The following C1orf185 variants were observed in gnomAD, a reference collection of about 807,000 sequenced individuals.
The protein encoded by C1orf185 is uncharacterized protein C1orf185.
A neutral mutation model predicts 16.1 loss-of-function variants in C1orf185; 13 were observed. The ratio of observed to expected loss-of-function variants is 0.81; its 90% CI spans 0.53 to 1.28. The LOEUF (loss-of-function observed/expected upper bound fraction) is 1.28, where lower values mean the gene tolerates loss of function less well. Among genes scored for constraint, C1orf185 ranks in the 50% most tolerant of loss-of-function variants. The probability of loss-of-function intolerance (pLI) is 0.00; values close to 1 mark genes in which losing one functional copy is unlikely to be tolerated. For synonymous variants in C1orf185, 80 were observed against 76.9 expected (o/e 1.04, Z -0.21); for missense variants, 220 against 225.2 (o/e 0.98, Z 0.15).
At chr1:51,117,076 G>A (rs976528589) in intron 2 of C1orf185, among the ~76,000 whole-genome samples, 10 of 152,104 alleles carry the variant, frequency 6.6e-5, no homozygotes, top group Non-Finnish European at 7.4e-5. Context: ...ATTTAAGCTC[G>A]ATGGAAGCAA....
At chr1:51,146,684 A>G (rs1214188042) in intron 4 of C1orf185, among the ~76,000 whole-genome samples, 1 of 152,164 alleles carries the variant, frequency 6.6e-6, no homozygotes, top group Non-Finnish European at 1.5e-5. Flanking sequence ...TCTATTTTGT[A>G]TCTGATCTGT....
At chr1:51,142,233 T>A (rs1011295855) in intron 3 of C1orf185, among the ~76,000 whole-genome samples, 5 of 152,228 alleles carry the variant, frequency 3.3e-5, no homozygotes, top group Non-Finnish European at 7.3e-5. Context: ...GGATCCAGCC[T>A]AGAATCACAT....
chr1:51,102,410 G>A (rs1447770863), intron 1 of C1orf185, 161 bp downstream of exon 1: 4 of 431,374 alleles, frequency 9.3e-6, no homozygotes, highest in East Asian at 6.8e-5. Flanking sequence ...TAAAGTTATT[G>A]GGGCTATTTT....
chr1:51,118,919 G>A (rs1570298884), intron 3 of C1orf185, 118 bp downstream of exon 3: 4 of 783,954 alleles, frequency 5.1e-6, no homozygotes, highest in East Asian at 6.5e-5. Flanking sequence ...TTAATTTGAG[G>A]GACAAACTAG....
intron 3 of C1orf185, among the ~76,000 whole-genome samples, chr1:51,132,743 G>A (rs563217491): frequency 1.3e-5 from 2 of 152,000 alleles, no homozygotes; most frequent in South Asian, 2.1e-4. Flanking sequence ...TATTATCCCC[G>A]AGACACACAT....
At chr1:51,102,413 G>A (rs1298894167) in intron 1 of C1orf185, 164 bp downstream of exon 1, 2 of 422,480 alleles carry the variant, frequency 4.7e-6, no homozygotes, top group Non-Finnish European at 8.5e-6. Flanking sequence ...AGTTATTGGG[G>A]CTATTTTCTT....
intron 3 of C1orf185, among the ~76,000 whole-genome samples, chr1:51,143,812 G>A (rs1268309194): frequency 2.0e-5 from 3 of 152,170 alleles, no homozygotes; most frequent in East Asian, 1.9e-4. Flanking sequence ...ACAGGCATGC[G>A]CCATCATGCC....
At chr1:51,112,695 T>C in intron 2 of C1orf185, 126 bp downstream of exon 2, 3 of 870,446 alleles carry the variant, frequency 3.4e-6, no homozygotes, top group South Asian at 2.4e-5. Flanking sequence ...GATTTGGTTA[T>C]AGACCCTTTG....
chr1:51,119,613 C>T (rs893870639), intron 3 of C1orf185, among the ~76,000 whole-genome samples: 7 of 152,164 alleles, frequency 4.6e-5, no homozygotes, highest in Admixed American at 1.3e-4. Flanking sequence ...GGCAACACAG[C>T]GAAACCCTAT....
At position 51,146,226 on chromosome 1, in the gene C1orf185, C is replaced by T. The variant is rs150693186; in HGVS notation, c.295+466C>T. Among the ~76,000 whole-genome samples, 124 of 151,782 alleles carry T rather than the reference C, an allele frequency of 8.2e-4. 2 individuals carry two copies. Among genetic ancestry groups the T allele is most frequent in the African/African-American group, 2.7e-3 (111 of 41,418 alleles). On this transcript the variant is annotated intron_variant, in intron 4 of 4. Coordinates refer to ENST00000371759, the MANE Select transcript of C1orf185 (RefSeq NM_001136508.2). ...ATAATCCCAGCACTTTGGGAGGTCG[C>T]GGTGGGCAGATCACTTGAGGCCAGG...
chr1:51,127,892 T>TG (rs199894817), intron 3 of C1orf185, among the ~76,000 whole-genome samples: 58 of 146,914 alleles, frequency 3.9e-4, no homozygotes, highest in African/African-American at 1.3e-3. Context: ...TTTGTTTTTT[T>TG]TTTTTTTTTT....
rs183777516 is a variant in C1orf185, at chr1:51,112,736, G to A, written c.122+167G>A. 2.0e-5 allele frequency among the ~76,000 whole-genome samples: 3 copies of A among 151,918 alleles called. No homozygotes were observed. In the East Asian group the frequency reaches 5.8e-4, roughly 29 times the overall value. ...GGACGGAAGGCTTTACATTTTTTAA[G>A]TAGCCTGAAAAAAGAAGTACTGGTG... On this transcript the variant is annotated intron_variant, in intron 2 of 4. Coordinates refer to ENST00000371759, the MANE Select transcript of C1orf185 (RefSeq NM_001136508.2).
chr1:51,121,947 C>T (rs1309268274), intron 3 of C1orf185, among the ~76,000 whole-genome samples: 4 of 152,116 alleles, frequency 2.6e-5, no homozygotes, highest in Admixed American at 2.6e-4. Flanking sequence ...GTAATTACAG[C>T]TAATCATTTC....
chr1:51,150,240 A>G (rs7532605), downstream of C1orf185, among the ~76,000 whole-genome samples: 20,800 of 150,198 alleles, frequency 0.14, 2,783 homozygotes, highest in African/African-American at 0.35. Flanking sequence ...CACCCGGGCT[A>G]GAGTGCAATG....
At chr1:51,148,811 C>G (rs1646416514), downstream of C1orf185, among the ~76,000 whole-genome samples, 1 of 152,126 alleles carries the variant, frequency 6.6e-6, no homozygotes, top group Non-Finnish European at 1.5e-5. Context: ...CCTGTAGTCC[C>G]AGCTACTTGG....
chr1:51,105,488 C>T lies in C1orf185; in HGVS notation c.16+3239C>T, dbSNP rs984655333. On this transcript the variant is annotated intron_variant, in intron 1 of 4. Transcript: ENST00000371759. Reference sequence around the variant, plus strand: ...GTCCTTCCTACTAAGCAGCATACTTCTTGAGGGAAAGAACCTTATATTATC... The same window carrying T: ...GTCCTTCCTACTAAGCAGCATACTTTTTGAGGGAAAGAACCTTATATTATC... Among the ~76,000 whole-genome samples, 8 of 152,134 alleles carry T rather than the reference C, an allele frequency of 5.3e-5. No homozygotes were observed. In the South Asian group the frequency reaches 1.7e-3, roughly 32 times the overall value.
At chr1:51,106,385 T>A (rs909847435) in intron 1 of C1orf185, among the ~76,000 whole-genome samples, 4 of 152,000 alleles carry the variant, frequency 2.6e-5, no homozygotes, top group East Asian at 1.9e-4. Context: ...CTTTTTTTTT[T>A]AAACAAAATT....
intron 3 of C1orf185, among the ~76,000 whole-genome samples, chr1:51,137,822 C>G (rs115440517): frequency 8.3e-4 from 126 of 152,188 alleles, no homozygotes; most frequent in African/African-American, 2.9e-3. Context: ...CAGTGGTAGA[C>G]TGGATAAAGA....
intron 1 of C1orf185, among the ~76,000 whole-genome samples, chr1:51,109,292 C>T (rs1390506190): frequency 6.6e-6 from 1 of 152,000 alleles, no homozygotes; most frequent in African/African-American, 2.4e-5. Flanking sequence ...AGTTGAGTTC[C>T]TTGTATATTT....
Sources: allele counts gnomAD v4.1 joint callset (sites outside exome capture counted in the v4.1 genomes callset), GRCh38; gene constraint gnomAD v4.1.1; transcripts MANE v1.5; gene names NCBI Gene and HGNC (gene_info 2026-07-23, HGNC 2026-07-21).